PIK3AP1: variants seen among roughly 807,000 people sequenced by gnomAD.
PIK3AP1 encodes phosphoinositide-3-kinase adaptor protein 1, also known as phosphoinositide 3-kinase adapter protein 1.
A neutral mutation model predicts 88.1 loss-of-function variants in PIK3AP1; 21 were observed. The ratio of observed to expected loss-of-function variants is 0.24; its 90% CI spans 0.17 to 0.34. PIK3AP1 has a LOEUF of 0.34. Ranked by LOEUF, PIK3AP1 falls within the 10% of genes least tolerant of loss-of-function variation. The probability of loss-of-function intolerance (pLI) is 1.00; values close to 1 mark genes in which losing one functional copy is unlikely to be tolerated. For synonymous variants in PIK3AP1, 398 were observed against 400.0 expected, an observed-to-expected ratio of 1.00 and a Z score of 0.06; for missense variants, 828 against 1,035.7, an observed-to-expected ratio of 0.80 and a Z score of 2.75.
chr10:96,690,183 G>A (rs1356538982), intron 2 of PIK3AP1, among the ~76,000 whole-genome samples: 1 of 152,188 alleles, frequency 6.6e-6, no homozygotes. Context: ...TCTGAGTTCA[G>A]TGTTGGAGGC....
At chr10:96,610,022 G>A (rs1424562230) in intron 13 of PIK3AP1, among the ~76,000 whole-genome samples, 155 bp from the exon 14 acceptor site, 1 of 152,216 alleles carries the variant, frequency 6.6e-6, no homozygotes, top group Non-Finnish European at 1.5e-5. Context: ...GGGGCCCTGG[G>A]TTGGTGGCCC....
chr10:96,647,233 C>T (rs912029370), intron 7 of PIK3AP1, among the ~76,000 whole-genome samples: 1 of 152,170 alleles, frequency 6.6e-6, no homozygotes, highest in Non-Finnish European at 1.5e-5. Context: ...GGATAACAAG[C>T]CCGGGCTTCA....
At chr10:96,701,786 G>A (rs572464697) in intron 2 of PIK3AP1, among the ~76,000 whole-genome samples, 10 of 152,308 alleles carry the variant, frequency 6.6e-5, no homozygotes, top group African/African-American at 2.4e-4. Context: ...GAAATTAACA[G>A]AGATTCACAA....
intron 8 of PIK3AP1, among the ~76,000 whole-genome samples, chr10:96,636,054 A>G (rs1426958756): frequency 2.0e-5 from 3 of 151,984 alleles, no homozygotes; most frequent in Admixed American, 2.0e-4. Flanking sequence ...AAAAACAAAC[A>G]ACAACAACAA....
rs61856777 is a variant in PIK3AP1 at position 96,682,019 on chromosome 10, G to T, written c.431-25085C>A. Among the ~76,000 whole-genome samples, 854 of 143,152 alleles carry T rather than the reference G, an allele frequency of 6.0e-3. 4 individuals are homozygous for T. Among genetic ancestry groups the T allele is most frequent in the Non-Finnish European group, 7.5e-3 (490 of 65,312 alleles). The allele number at this position is 143,152 out of a possible 152,430, so 93.9% of individuals were successfully genotyped here. ...GTATATATATATATATATATAGAGAGAGAGAGAGAGAGAGAGAAACAAGGG... is the reference window on the plus strand; with the variant it reads ...GTATATATATATATATATATAGAGATAGAGAGAGAGAGAGAGAAACAAGGG... On this transcript the variant is annotated intron_variant, in intron 2 of 16. Coordinates refer to ENST00000339364, the MANE Select transcript of PIK3AP1 (RefSeq NM_152309.3).
At position 96,603,706 on chromosome 10, in the gene PIK3AP1, ACACAC is replaced by A. The variant is rs1306860437; in HGVS notation, c.2241+268_2241+272del. On this transcript the variant is annotated intron_variant, in intron 15 of 16. Coordinates refer to ENST00000339364, the MANE Select transcript of PIK3AP1 (RefSeq NM_152309.3). ...CACACACACACACACACACACACAC[ACACAC>A]CACATATATATATATGTTCTGTCCC... 6.2e-3 allele frequency: 1,216 copies of A among 196,002 alleles called. 15 individuals carry two copies. The highest frequency in any genetic ancestry group is 0.034 in the African/African-American group (1,093 of 31,924). 12.1% of individuals were successfully genotyped at this position (196,002 alleles called of 1,614,324 possible).
intron 2 of PIK3AP1, among the ~76,000 whole-genome samples, chr10:96,685,181 T>C (rs1014835407): frequency 5.3e-5 from 8 of 152,370 alleles, no homozygotes; most frequent in Admixed American, 4.6e-4. Context: ...GATTTTCTTT[T>C]TTAGAGTTCC....
At chr10:96,633,090 C>A in intron 8 of PIK3AP1, 1 of 1,549,242 alleles carries the variant, frequency 6.5e-7, no homozygotes, top group African/African-American at 1.4e-5. Context: ...CTCATAGCAA[C>A]TCCAGAGGCG....
chr10:96,707,379 G>A (rs190740027), intron 2 of PIK3AP1, among the ~76,000 whole-genome samples: 32 of 152,196 alleles, frequency 2.1e-4, no homozygotes, highest in Middle Eastern at 6.8e-3. Context: ...TGCAACCTCC[G>A]CCTCCCGGGC....
intron 2 of PIK3AP1, among the ~76,000 whole-genome samples, chr10:96,689,909 A>C (rs923762768): frequency 6.6e-6 from 1 of 152,154 alleles, no homozygotes; most frequent in South Asian, 2.1e-4. Context: ...GAAAGAATGC[A>C]GCAGCCACGT....
At chr10:96,674,671 G>A (rs2134257153) in intron 2 of PIK3AP1, among the ~76,000 whole-genome samples, 1 of 152,318 alleles carries the variant, frequency 6.6e-6, no homozygotes, top group South Asian at 2.1e-4. Flanking sequence ...AACCACCTAA[G>A]TTACTAGCAG....
chr10:96,638,033 G>C (rs1338044424), intron 8 of PIK3AP1, among the ~76,000 whole-genome samples: 1 of 152,170 alleles, frequency 6.6e-6, no homozygotes, highest in Admixed American at 6.5e-5. Flanking sequence ...AGTTGATGCT[G>C]GAACGAGTTA....
chr10:96,629,711 C>G (rs1356944110), intron 8 of PIK3AP1, among the ~76,000 whole-genome samples: 1 of 7,682 alleles, frequency 1.3e-4, no homozygotes, highest in African/African-American at 4.8e-4. Context: ...GACCCCATCT[C>G]TACAAAAAAA....
chr10:96,625,358 G>T (rs1421073077), intron 10 of PIK3AP1, among the ~76,000 whole-genome samples: 2 of 152,144 alleles, frequency 1.3e-5, no homozygotes, highest in Non-Finnish European at 2.9e-5. Context: ...AAATGCAAAG[G>T]GCTAGAGGGA....
intron 2 of PIK3AP1, among the ~76,000 whole-genome samples, chr10:96,705,776 T>C (rs1844353653): frequency 1.3e-5 from 2 of 151,574 alleles, no homozygotes. Context: ...AGAGACAGGG[T>C]TTTGCCATGT....
At chr10:96,671,429 C>G (rs1247015367) in intron 2 of PIK3AP1, among the ~76,000 whole-genome samples, 1 of 152,134 alleles carries the variant, frequency 6.6e-6, no homozygotes, top group African/African-American at 2.4e-5. Context: ...TCCAACTAAC[C>G]CCTTTCACTT....
At chr10:96,694,493 C>T (rs1306444390) in intron 2 of PIK3AP1, among the ~76,000 whole-genome samples, 1 of 150,468 alleles carries the variant, frequency 6.6e-6, no homozygotes, top group Non-Finnish European at 1.5e-5. Flanking sequence ...CCTCCCCTCC[C>T]CTCCCTTCCC....
chr10:96,609,005 G>C (rs535366825), intron 14 of PIK3AP1, among the ~76,000 whole-genome samples: 1 of 152,182 alleles, frequency 6.6e-6, no homozygotes, highest in Non-Finnish European at 1.5e-5. Context: ...CAAAGCCCTC[G>C]GCTCCTGCCT....
intron 2 of PIK3AP1, among the ~76,000 whole-genome samples, chr10:96,676,308 CT>C (rs147680543): frequency 0.12 from 15,037 of 126,522 alleles, 911 homozygotes; most frequent in African/African-American, 0.26. Context: ...TGTGACCTTG[CT>C]TTTTTTTTTT....
Sources: allele counts gnomAD v4.1 joint callset (sites outside exome capture counted in the v4.1 genomes callset), GRCh38; gene constraint gnomAD v4.1.1; transcripts MANE v1.5; gene names NCBI Gene and HGNC (gene_info 2026-07-23, HGNC 2026-07-21).